The following KLHL1 variants were observed in gnomAD, a reference collection of about 807,000 sequenced individuals.
KLHL1 encodes kelch like family member 1.
Under a neutral mutation model 77.7 loss-of-function variants are expected in KLHL1, and 47 were observed. The observed-to-expected ratio is 0.60, with a 90% confidence interval of 0.48 to 0.77. The LOEUF (loss-of-function observed/expected upper bound fraction) is 0.77, where lower values mean the gene tolerates loss of function less well. Among genes scored for constraint, KLHL1 ranks in the 30% least tolerant of loss-of-function variants. The probability of loss-of-function intolerance (pLI) is 0.00; values close to 1 mark genes in which losing one functional copy is unlikely to be tolerated. For missense variants in KLHL1, 925 were observed against 910.8 expected (o/e 1.02, Z -0.20); for synonymous variants, 360 against 325.2 (o/e 1.11, Z -1.15).
intron 7 of KLHL1, among the ~76,000 whole-genome samples, chr13:69,747,941 G>A (rs1874289021): frequency 6.6e-6 from 1 of 151,760 alleles, no homozygotes. Context: ...ACAAGGACTA[G>A]CAAATATTTA....
intron 3 of KLHL1, among the ~76,000 whole-genome samples, chr13:69,943,670 TATAAAA>T (rs144633454): frequency 0.04 from 6,161 of 152,178 alleles, 391 homozygotes; most frequent in East Asian, 0.27. Flanking sequence ...TATCTGCTGT[TATAAAA>T]ATAAAGTTAA....
At chr13:69,894,789 C>T (rs1041013707) in intron 4 of KLHL1, 6 of 233,196 alleles carry the variant, frequency 2.6e-5, no homozygotes, top group African/African-American at 1.2e-4. Flanking sequence ...GGAAGCTCCA[C>T]AAATTCCTTA....
At chr13:70,092,197 T>C (rs778912231) in intron 1 of KLHL1, among the ~76,000 whole-genome samples, 18 of 152,302 alleles carry the variant, frequency 1.2e-4, no homozygotes, top group Non-Finnish European at 2.2e-4. Context: ...ACAGAAATAA[T>C]GTGTTTGTTG....
chr13:69,966,482 C>T (rs1209364434), intron 2 of KLHL1, among the ~76,000 whole-genome samples: 3 of 152,172 alleles, frequency 2.0e-5, no homozygotes, highest in Non-Finnish European at 2.9e-5. Context: ...AGAGCTCTGA[C>T]AGAGATGTAC....
chr13:69,959,260 TG>T (rs1362023991), intron 3 of KLHL1, among the ~76,000 whole-genome samples: 1 of 152,008 alleles, frequency 6.6e-6, no homozygotes, highest in African/African-American at 2.4e-5. Context: ...ACACAGGAAA[TG>T]CAAGACTGCC....
At chr13:70,044,401 T>C (rs966698359) in intron 1 of KLHL1, among the ~76,000 whole-genome samples, 3 of 152,208 alleles carry the variant, frequency 2.0e-5, no homozygotes, top group Non-Finnish European at 4.4e-5. Flanking sequence ...TCACCGTACA[T>C]TGTTTATTTT....
chr13:70,025,983 C>G (rs910838860), intron 1 of KLHL1, among the ~76,000 whole-genome samples: 5 of 152,046 alleles, frequency 3.3e-5, no homozygotes, highest in Non-Finnish European at 5.9e-5. Flanking sequence ...GCAGCAAAAG[C>G]CTTGTCTCCT....
At chr13:70,028,658 A>T (rs1045357357) in intron 1 of KLHL1, among the ~76,000 whole-genome samples, 2 of 152,120 alleles carry the variant, frequency 1.3e-5, no homozygotes, top group African/African-American at 4.8e-5. Flanking sequence ...ACAATTTTTC[A>T]GGGAGCATTA....
chr13:69,795,784 G>C (rs1282445704), intron 7 of KLHL1, among the ~76,000 whole-genome samples: 1 of 152,134 alleles, frequency 6.6e-6, no homozygotes, highest in Non-Finnish European at 1.5e-5. Context: ...GTTCTCTCTA[G>C]TTCCTGGTTA....
chr13:69,999,672 A>G (rs1303325425), intron 1 of KLHL1, among the ~76,000 whole-genome samples: 1 of 152,022 alleles, frequency 6.6e-6, no homozygotes, highest in Non-Finnish European at 1.5e-5. Context: ...GCACCTAGCA[A>G]TCCTATATCC....
chr13:70,069,251 T>A (rs2137415556), intron 1 of KLHL1, among the ~76,000 whole-genome samples: 1 of 152,296 alleles, frequency 6.6e-6, no homozygotes, highest in East Asian at 1.9e-4. Context: ...TGAAAGCCTT[T>A]GACACTATTT....
chr13:69,744,127 T>C (rs1470584229), intron 7 of KLHL1, among the ~76,000 whole-genome samples: 1 of 152,144 alleles, frequency 6.6e-6, no homozygotes, highest in Non-Finnish European at 1.5e-5. Flanking sequence ...AGGAAGATAC[T>C]ATGAAGAGAG....
At chr13:69,708,182 GA>G (rs1875713292) in intron 9 of KLHL1, among the ~76,000 whole-genome samples, 1 of 151,994 alleles carries the variant, frequency 6.6e-6, no homozygotes, top group Non-Finnish European at 1.5e-5. Context: ...GAGCATTGTG[GA>G]ATACTCGACA....
In KLHL1 at chr13:70,107,556, G is replaced by T. The variant is rs1463553169; in HGVS notation, c.144C>A (p.His48Gln). The T allele has an allele frequency of 1.2e-6, 2 of 1,608,430 alleles. No individual in the cohort carries two copies. The highest frequency in any genetic ancestry group is 1.7e-6 in the Non-Finnish European group (2 of 1,176,968). Reference sequence around the variant, plus strand: ...GCAGGCGACTCTGGCTGGGTCCCCAGTGCTCAAAGCTGCCACTGCCGTCCT... The same window carrying T: ...GCAGGCGACTCTGGCTGGGTCCCCATTGCTCAAAGCTGCCACTGCCGTCCT... ...LQQDGSGSFE[H>Q]WGPSQSRLLK... Residue 48 changes from histidine (H) to glutamine (Q), a missense_variant, in exon 1 of 11, where the codon CAC (histidine) becomes CAA (glutamine). Coordinates refer to ENST00000377844, the MANE Select transcript of KLHL1 (RefSeq NM_020866.3).
chr13:69,818,555 G>A (rs1878215307), intron 6 of KLHL1, among the ~76,000 whole-genome samples: 1 of 152,060 alleles, frequency 6.6e-6, no homozygotes, highest in South Asian at 2.1e-4. Flanking sequence ...GGATGCAAAT[G>A]CAGATATCCT....
chr13:69,727,942 G>T (rs544577002), intron 8 of KLHL1, among the ~76,000 whole-genome samples: 19 of 150,582 alleles, frequency 1.3e-4, no homozygotes, highest in Non-Finnish European at 2.5e-4. Context: ...CTTAAATTTT[G>T]CATTTTATAT....
At chr13:69,704,904 T>G (rs144341116) in intron 10 of KLHL1, among the ~76,000 whole-genome samples, 1 of 151,820 alleles carries the variant, frequency 6.6e-6, no homozygotes, top group Non-Finnish European at 1.5e-5. Flanking sequence ...TATATCATTA[T>G]CAATATATCT....
chr13:69,891,701 T>C (rs1378343627), intron 4 of KLHL1, among the ~76,000 whole-genome samples: 2 of 151,978 alleles, frequency 1.3e-5, no homozygotes, highest in African/African-American at 4.8e-5. Context: ...CGAATATCAA[T>C]TGATATTAGA....
intron 1 of KLHL1, among the ~76,000 whole-genome samples, chr13:70,019,557 T>A (rs1027458577): frequency 3.5e-4 from 54 of 152,292 alleles, no homozygotes; most frequent in African/African-American, 1.2e-3. Context: ...TGCCAGACGA[T>A]CTGCTAAATT....
Sources: gnomAD v4.1 joint callset for allele counts (sites outside exome capture counted in the v4.1 genomes callset) on GRCh38, gnomAD v4.1.1 for gene constraint, MANE v1.5 for transcripts, NCBI Gene and HGNC (gene_info 2026-07-23, HGNC 2026-07-21) for gene names.